CDK5RAP2: variants seen among roughly 807,000 people sequenced by gnomAD.
The protein encoded by CDK5RAP2 is CDK5 regulatory subunit-associated protein 2.
Under a neutral mutation model 232.9 loss-of-function variants are expected in CDK5RAP2, and 147 were observed. The ratio of observed to expected loss-of-function variants is 0.63; its 90% CI spans 0.55 to 0.72. CDK5RAP2 has a LOEUF of 0.72. Among genes scored for constraint, CDK5RAP2 ranks in the 30% least tolerant of loss-of-function variants. The probability of loss-of-function intolerance (pLI) is 0.00; values close to 1 mark genes in which losing one functional copy is unlikely to be tolerated. For missense variants in CDK5RAP2, 2,195 were observed against 2,231.5 expected (o/e 0.98, Z 0.33); for synonymous variants, 833 against 833.7 (o/e 1.00, Z 0.01).
Position 120,394,606 on chromosome 9 carries a change from T to C in CDK5RAP2, c.5484A>G (p.Leu1828=). The change falls in exon 36 of 38, where the codon CTA becomes CTG. Residue 1828 remains leucine (L), a synonymous_variant. Coordinates refer to ENST00000349780, the MANE Select transcript of CDK5RAP2 (RefSeq NM_018249.6). ...TTTCTTGTTCAAACAATTTTTTATG[T>C]AGTTTGGTGACCTCTGCCTTCATTT... The part of the protein sequence containing the change: ...IGEMKAEVTK[L]HKKLFEQEKK... The C allele has an allele frequency of 6.2e-7, 1 of 1,614,052 alleles. No homozygotes were observed. Among genetic ancestry groups the C allele is most frequent in the Non-Finnish European group, 8.5e-7 (1 of 1,179,958 alleles).
At chr9:120,411,616 G>A (rs576608349) in intron 28 of CDK5RAP2, 142 bp from the exon 29 acceptor site, 20 of 646,088 alleles carry the variant, frequency 3.1e-5, no homozygotes, top group Middle Eastern at 4.1e-4. Context: ...GGAATTACCA[G>A]AAGCCAAAGA....
At chr9:120,406,877 C>T (rs1362610353) in intron 32 of CDK5RAP2, 135 bp downstream of exon 32, 25 of 707,002 alleles carry the variant, frequency 3.5e-5, no homozygotes, top group Non-Finnish European at 1.7e-5. Context: ...GGTCCCCTGG[C>T]TCCTAGGGTA....
chr9:120,474,166 T>C (rs1192054939), intron 15 of CDK5RAP2, among the ~76,000 whole-genome samples: 1 of 152,120 alleles, frequency 6.6e-6, no homozygotes, highest in Non-Finnish European at 1.5e-5. Context: ...AAATGAGATA[T>C]TACATGGGAA....
At chr9:120,575,739 GAGGTAATC>G (rs2043010593) in intron 1 of CDK5RAP2, among the ~76,000 whole-genome samples, 2 of 152,142 alleles carry the variant, frequency 1.3e-5, no homozygotes, top group South Asian at 4.1e-4. Context: ...ACCCGCCTAG[GAGGTAATC>G]ACTGTTTTCA....
At chr9:120,427,277 C>A (rs2034969699) in intron 25 of CDK5RAP2, among the ~76,000 whole-genome samples, 2 of 152,304 alleles carry the variant, frequency 1.3e-5, no homozygotes, top group South Asian at 4.1e-4. Context: ...ACAAAAAAAT[C>A]CATAATGTTT....
At chr9:120,446,720 T>C (rs2036213138) in intron 22 of CDK5RAP2, among the ~76,000 whole-genome samples, 1 of 152,094 alleles carries the variant, frequency 6.6e-6, no homozygotes. Flanking sequence ...ACAATTAGCC[T>C]CCTTACTATT....
chr9:120,473,074 C>T (rs900664028), intron 15 of CDK5RAP2, among the ~76,000 whole-genome samples: 7 of 152,178 alleles, frequency 4.6e-5, no homozygotes, highest in Admixed American at 3.9e-4. Flanking sequence ...AACATGGAGA[C>T]CCCAGCTGAC....
chr9:120,472,127 A>G (rs1357282670), intron 15 of CDK5RAP2, among the ~76,000 whole-genome samples: 1 of 152,242 alleles, frequency 6.6e-6, no homozygotes, highest in Non-Finnish European at 1.5e-5. Flanking sequence ...TGCGTAATTT[A>G]CATGGCTGAA....
rs373577118 is a variant in CDK5RAP2 at position 120,518,574 on chromosome 9, G to A, written c.1164C>T (p.Leu388=). The A allele has an allele frequency of 4.0e-5, 65 of 1,613,640 alleles. No homozygotes were observed. The South Asian group carries it at 4.1e-4, about 10-fold the overall frequency. ...GTCTGTGGTTCTCTGTACTCTTGGT[G>A]AGGTTTTGTGAGCGCAGCGCAGCCG... ...ALSAALRSQN[L]TKSTENHRLR... Residue 388 remains leucine, a synonymous_variant, in exon 12 of 38, where the codon CTC becomes CTT. Transcript: ENST00000349780.
intron 15 of CDK5RAP2, among the ~76,000 whole-genome samples, chr9:120,474,173 G>C (rs1260436374): frequency 6.6e-6 from 1 of 152,110 alleles, no homozygotes; most frequent in Non-Finnish European, 1.5e-5. Flanking sequence ...ATATTACATG[G>C]GAAAGACGTT....
intron 21 of CDK5RAP2, among the ~76,000 whole-genome samples, chr9:120,452,590 G>T (rs1051043270): frequency 5.3e-5 from 8 of 151,450 alleles, no homozygotes; most frequent in Non-Finnish European, 8.8e-5. Flanking sequence ...TCTTGGCCGT[G>T]GGGGGGTCAA....
At chr9:120,394,815 G>C (rs1218382104) in intron 35 of CDK5RAP2, among the ~76,000 whole-genome samples, 177 bp from the exon 36 acceptor site, 1 of 152,168 alleles carries the variant, frequency 6.6e-6, no homozygotes, top group Non-Finnish European at 1.5e-5. Flanking sequence ...AAAACTCATT[G>C]AGGGTAAGGG....
intron 12 of CDK5RAP2, among the ~76,000 whole-genome samples, chr9:120,511,497 G>A (rs1366169098): frequency 6.6e-6 from 1 of 152,188 alleles, no homozygotes; most frequent in Non-Finnish European, 1.5e-5. Context: ...TGCTTTTGTT[G>A]AATGGGGTAT....
At chr9:120,505,432 C>T (rs999378065) in intron 12 of CDK5RAP2, among the ~76,000 whole-genome samples, 1 of 152,120 alleles carries the variant, frequency 6.6e-6, no homozygotes, top group Non-Finnish European at 1.5e-5. Context: ...TATGATACAA[C>T]AAAATTGAAA....
intron 6 of CDK5RAP2, 152 bp downstream of exon 6, chr9:120,538,889 C>T: frequency 1.2e-6 from 1 of 833,170 alleles, no homozygotes; most frequent in South Asian, 1.4e-5. Flanking sequence ...ATATAAAATG[C>T]CTGAAATGGG....
At position 120,389,791 on chromosome 9, in the gene CDK5RAP2, A is replaced by G. The variant is rs1334605354; in HGVS notation, c.5579-4T>C. ...AGGATTTTGTGGGTTACGACCACTG[A>G]GGAGAGAGCAAAGAATGCAATGATT... On this transcript the variant is annotated splice_region_variant and splice_polypyrimidine_tract_variant and intron_variant, in intron 36 of 37. Transcript: ENST00000349780. The G allele has an allele frequency of 1.9e-6, 3 of 1,613,844 alleles. No individual in the cohort carries two copies. The highest frequency in any genetic ancestry group is 2.5e-6 in the Non-Finnish European group (3 of 1,179,714).
At chr9:120,562,824 T>A (rs1396147646) in intron 3 of CDK5RAP2, among the ~76,000 whole-genome samples, 3 of 152,036 alleles carry the variant, frequency 2.0e-5, no homozygotes, top group African/African-American at 7.2e-5. Flanking sequence ...TCCTAGCATG[T>A]TATTTACTCC....
chr9:120,403,553 T>A lies in CDK5RAP2; in HGVS notation c.5042-482A>T. On this transcript the variant is annotated intron_variant, in intron 33 of 37. Coordinates refer to ENST00000349780, the MANE Select transcript of CDK5RAP2 (RefSeq NM_018249.6). This position sits in a 1 kb window ranked among gnomAD's most constrained non-coding sequence, Gnocchi z 4.2. Reference sequence around the variant, plus strand: ...AAGAATTACACGAATGATGAGTCATTCTGACCAAGGACAGCAGCAAAGGCA... The same window carrying A: ...AAGAATTACACGAATGATGAGTCATACTGACCAAGGACAGCAGCAAAGGCA... The A allele has an allele frequency of 3.7e-6, 1 of 273,422 alleles. No individual in the cohort carries two copies. The highest frequency in any genetic ancestry group is 7.1e-6 in the Non-Finnish European group (1 of 140,906). The allele number at this position is 273,422 out of a possible 1,614,324, so 16.9% of individuals were successfully genotyped here. A position where few individuals can be genotyped will look rare whatever the true frequency, so the allele number is the denominator to read the frequency against.
At position 120,407,072 on chromosome 9, in the gene CDK5RAP2, G is replaced by A; in HGVS notation, c.4903C>T (p.Leu1635Phe). The change falls in exon 32 of 38, where the codon CTC (leucine) becomes TTC (phenylalanine). Residue 1635 changes from leucine to phenylalanine, a missense_variant. Coordinates refer to ENST00000349780, the MANE Select transcript of CDK5RAP2 (RefSeq NM_018249.6). ...RGAEKAQEGA[L>F]TLAVQAVSIP... ...GACACGGCTTGGACAGCCAGAGTGAGGGCTCCTTCCTGTGCCTTCTCTGCC... is the reference window on the plus strand; with the variant it reads ...GACACGGCTTGGACAGCCAGAGTGAAGGCTCCTTCCTGTGCCTTCTCTGCC... 2.5e-6 allele frequency: 4 copies of A among 1,614,152 alleles called. No individual in the cohort carries two copies. Among genetic ancestry groups the A allele is most frequent in the Non-Finnish European group, 3.4e-6 (4 of 1,180,038 alleles).
Sources: allele counts gnomAD v4.1 joint callset (sites outside exome capture counted in the v4.1 genomes callset), GRCh38; gene constraint gnomAD v4.1.1; non-coding constraint Gnocchi (gnomAD v3.1); transcripts MANE v1.5; gene names NCBI Gene and HGNC (gene_info 2026-07-23, HGNC 2026-07-21).